Variants in SHROOM4 observed in about 807,000 individuals in gnomAD.
SHROOM4 encodes shroom family member 4.
SHROOM4 carries 17 observed loss-of-function variants against 80.3 expected under a neutral mutation model. That is an observed-to-expected ratio of 0.21 (90% CI 0.14 to 0.32). SHROOM4 has a LOEUF of 0.32. Among genes scored for constraint, SHROOM4 ranks in the 10% least tolerant of loss-of-function variants. The pLI, the probability that SHROOM4 is intolerant of heterozygous loss-of-function variation, is 1.00. For synonymous variants in SHROOM4, 400 were observed against 437.5 expected, an observed-to-expected ratio of 0.91 and a Z score of 1.07; for missense variants, 993 against 1,140.3, an observed-to-expected ratio of 0.87 and a Z score of 1.86.
intron 1 of SHROOM4, among the ~76,000 whole-genome samples, chrX:50,812,317 TAAAAAAAAAAAAA>T (rs34184946): frequency 1.5e-5 from 1 of 66,794 alleles, no homozygotes; most frequent in Non-Finnish European, 2.7e-5. Context: ...GTGTTTTTGT[TAAAAAAAAAAAAA>T]AAAAAAAAAA....
intron 2 of SHROOM4, among the ~76,000 whole-genome samples, chrX:50,640,408 C>T (rs1931546135): frequency 9.3e-6 from 1 of 107,954 alleles, no homozygotes; most frequent in Non-Finnish European, 1.9e-5. Context: ...CTCCCCCTAC[C>T]CCCCCTCCAT....
At chrX:50,598,227 T>C (rs1286655468) in intron 8 of SHROOM4, 39 bp downstream of exon 8, 2 of 1,205,287 alleles carry the variant, frequency 1.7e-6, no homozygotes, top group African/African-American at 1.8e-5. Context: ...AAACAAATGG[T>C]ATTTCCCTCT....
chrX:50,586,516 ACT>A (rs1363038834), downstream of SHROOM4, among the ~76,000 whole-genome samples: 1 of 46,704 alleles, frequency 2.1e-5, no homozygotes, highest in Middle Eastern at 7.0e-3. Context: ...TATTGAAGAA[ACT>A]TTTAAGCAGT....
At chrX:50,775,650 CAG>C (rs1437645233) in intron 1 of SHROOM4, among the ~76,000 whole-genome samples, 2 of 112,066 alleles carry the variant, frequency 1.8e-5, no homozygotes, top group African/African-American at 3.2e-5. Flanking sequence ...GTTGAAGAAA[CAG>C]AGTCTGGGAA....
chrX:50,580,138 C>G, the SHROOM4 span, among the ~76,000 whole-genome samples: 1 of 111,872 alleles, frequency 8.9e-6, no homozygotes, highest in African/African-American at 3.3e-5. Flanking sequence ...AACCATTGGA[C>G]AACTCATAGG....
At chrX:50,725,803 C>T (rs1557265844) in intron 1 of SHROOM4, among the ~76,000 whole-genome samples, 2 of 112,052 alleles carry the variant, frequency 1.8e-5, no homozygotes, top group African/African-American at 3.3e-5. Context: ...TGAAAACAGA[C>T]TAATATAGAA....
At chrX:50,775,535 G>T (rs1213645763) in intron 1 of SHROOM4, among the ~76,000 whole-genome samples, 1 of 111,473 alleles carries the variant, frequency 9.0e-6, no homozygotes, top group African/African-American at 3.3e-5. Flanking sequence ...GTTTGGCTTC[G>T]ATATGGAAAG....
chrX:50,617,136 T>C (rs782313007), intron 5 of SHROOM4, among the ~76,000 whole-genome samples: 1 of 111,987 alleles, frequency 8.9e-6, no homozygotes, highest in Non-Finnish European at 1.9e-5. Context: ...TGAATTCCAA[T>C]AAAATTTAAA....
At chrX:50,785,464 A>G (rs1250804439) in intron 1 of SHROOM4, among the ~76,000 whole-genome samples, 1 of 112,436 alleles carries the variant, frequency 8.9e-6, no homozygotes, top group Non-Finnish European at 1.9e-5. Flanking sequence ...AAACTATGAT[A>G]TATCTATGCA....
chrX:50,666,747 C>T (rs781998371), intron 2 of SHROOM4, among the ~76,000 whole-genome samples: 1 of 111,231 alleles, frequency 9.0e-6, no homozygotes, highest in Non-Finnish European at 1.9e-5. Flanking sequence ...TTCTGAAGTG[C>T]AAAGAGGGAA....
rs782488006 is a variant in SHROOM4 at position 50,633,445 on chromosome X, G to A, written c.2628C>T (p.His876=). ...LENSMCCKPL[H]CGDFDYHRTC... ...TCCTGTGGTAATCAAAATCACCACAGTGTAGTGGCTTACAACACATGGAAT... is the reference window on the plus strand; with the variant it reads ...TCCTGTGGTAATCAAAATCACCACAATGTAGTGGCTTACAACACATGGAAT... Residue 876 remains histidine, a synonymous_variant, in exon 4 of 9, where the codon CAC becomes CAT. Transcript: ENST00000376020. 5.0e-6 allele frequency: 6 copies of A among 1,210,532 alleles called. No homozygotes were observed. Among genetic ancestry groups the A allele is most frequent in the Non-Finnish European group, 6.7e-6 (6 of 895,393 alleles).
At chrX:50,621,331 A>C (rs1930564765) in intron 5 of SHROOM4, among the ~76,000 whole-genome samples, 1 of 111,493 alleles carries the variant, frequency 9.0e-6, no homozygotes, top group African/African-American at 3.3e-5. Flanking sequence ...GGTTTTGATA[A>C]TTGTTGTTTT....
intron 1 of SHROOM4, among the ~76,000 whole-genome samples, chrX:50,717,231 T>G (rs1933979332): frequency 9.0e-6 from 1 of 111,676 alleles, no homozygotes; most frequent in Non-Finnish European, 1.9e-5. Context: ...TTTTGTTTGT[T>G]TGTTTGAGAC....
At chrX:50,648,437 G>A (rs996438993) in intron 2 of SHROOM4, among the ~76,000 whole-genome samples, 26 of 112,223 alleles carry the variant, frequency 2.3e-4, no homozygotes, top group African/African-American at 8.1e-4. Flanking sequence ...CATTTAAGGT[G>A]TTTGGAGAGG....
rs1224073385 is a variant in SHROOM4, at chrX:50,595,007, A to G, written c.*1688T>C. ...GACAAGTATTTGTAACAGCAGCAAA[A>G]GTTCCTTGGCAAATTCTTTGGTTGA... On this transcript the variant is annotated 3_prime_UTR_variant, in exon 9 of 9. Transcript: ENST00000376020. 8.9e-6 allele frequency: 1 copy of G among 112,621 alleles called. No individual in the cohort carries two copies. Among genetic ancestry groups the G allele is most frequent in the Non-Finnish European group, 1.9e-5 (1 of 53,260 alleles). The allele number at this position is 112,621 out of a possible 1,213,427, so 9.3% of individuals were successfully genotyped here.
At chrX:50,641,859 G>A (rs782412314) in intron 2 of SHROOM4, among the ~76,000 whole-genome samples, 4 of 112,284 alleles carry the variant, frequency 3.6e-5, no homozygotes, top group East Asian at 2.8e-4. Context: ...TGATCCACCC[G>A]CTTCGGCCTC....
rs143445622 is a variant in SHROOM4 at position 50,706,868 on chromosome X, G to A, written c.118-10931C>T. Among the ~76,000 whole-genome samples the A allele has an allele frequency of 3.6e-3, 399 of 111,809 alleles. 1 individual carries two copies. The highest frequency in any genetic ancestry group is 0.012 in the African/African-American group (372 of 30,765). ...ATGGAGCCTTTAAGGAAACTGAGGT[G>A]TATGGCAATAATAACTTGTATCCAG... On this transcript the variant is annotated intron_variant, in intron 1 of 8. Transcript: ENST00000376020.
At chrX:50,665,713 C>A (rs1180167934) in intron 2 of SHROOM4, among the ~76,000 whole-genome samples, 1 of 111,089 alleles carries the variant, frequency 9.0e-6, no homozygotes, top group Non-Finnish European at 1.9e-5. Flanking sequence ...TTTATCCCTA[C>A]ACCTCATAAG....
intron 5 of SHROOM4, among the ~76,000 whole-genome samples, chrX:50,616,014 A>G (rs1930219477): frequency 8.9e-6 from 1 of 112,168 alleles, no homozygotes; most frequent in African/African-American, 3.2e-5. Context: ...TGCTTTGATC[A>G]AAGCTGGTGC....
Sources: allele counts gnomAD v4.1 joint callset (sites outside exome capture counted in the v4.1 genomes callset), GRCh38; gene constraint gnomAD v4.1.1; transcripts MANE v1.5; gene names NCBI Gene and HGNC (gene_info 2026-07-23, HGNC 2026-07-21).